Variants in VIPR2 observed in about 807,000 individuals in gnomAD.
VIPR2 encodes the protein vasoactive intestinal polypeptide receptor 2.
Under a neutral mutation model 58.0 loss-of-function variants are expected in VIPR2, and 48 were observed. That is an observed-to-expected ratio of 0.83 (90% CI 0.66 to 1.05). The LOEUF (loss-of-function observed/expected upper bound fraction) is 1.05, where lower values mean the gene tolerates loss of function less well. Among genes scored for constraint, VIPR2 ranks in the 50% least tolerant of loss-of-function variants. The pLI is 0.00. For missense variants in VIPR2, 534 were observed against 558.0 expected, an observed-to-expected ratio of 0.96 and a Z score of 0.43; for synonymous variants, 243 against 235.2, an observed-to-expected ratio of 1.03 and a Z score of -0.30.
Position 159,096,573 on chromosome 7 carries a change from G to A in VIPR2, c.357+7184C>T, listed in dbSNP as rs909644550. On this transcript the variant is annotated intron_variant, in intron 4 of 12. Transcript: ENST00000262178. This position sits in a 1 kb window ranked among gnomAD's most constrained non-coding sequence, Gnocchi z 5.5. Reference sequence around the variant, plus strand: ...CCAATCGCCATCCCCAGGCACCAGCGTATCTGTGCATTTCCTTCTTAACCT... The same window carrying A: ...CCAATCGCCATCCCCAGGCACCAGCATATCTGTGCATTTCCTTCTTAACCT... Among the ~76,000 whole-genome samples the A allele has an allele frequency of 6.6e-6, 1 of 152,174 alleles. No individual in the cohort carries two copies.
chr7:159,030,942 G>A (rs1331321537), intron 12 of VIPR2, among the ~76,000 whole-genome samples, 153 bp from the exon 13 acceptor site: 1 of 152,234 alleles, frequency 6.6e-6, no homozygotes, highest in African/African-American at 2.4e-5. Context: ...CGGCCTTGGG[G>A]GCAGAGGCTG....
At chr7:159,105,857 A>G (rs1178317353) in intron 3 of VIPR2, among the ~76,000 whole-genome samples, 1 of 152,248 alleles carries the variant, frequency 6.6e-6, no homozygotes, top group Non-Finnish European at 1.5e-5. Flanking sequence ...AACAGCACTC[A>G]TAATAGTTAT....
rs1853502868 is a variant in VIPR2 at position 159,030,739 on chromosome 7, G to T, written c.1194C>A (p.Ser398=). The stretch of plus-strand genomic sequence containing the variant: ...CGCAGACCCTGTAATCCCGGCTCGC[G>T]GACGGGGTCGGGCACCGGCTTCGCC... ...RKWRSRCPTP[S]ASRDYRVCGS... Residue 398 remains serine, a synonymous_variant, in exon 13 of 13, where the codon TCC becomes TCA. Transcript: ENST00000262178. 7 of 1,588,154 alleles carry T rather than the reference G, an allele frequency of 4.4e-6. No homozygotes were observed. The East Asian group carries it at 1.4e-4, about 32-fold the overall frequency.
At chr7:159,081,287 A>G (rs1563305837) in intron 4 of VIPR2, among the ~76,000 whole-genome samples, 2 of 152,246 alleles carry the variant, frequency 1.3e-5, no homozygotes, top group African/African-American at 2.4e-5. Context: ...CCAATGGAAC[A>G]TAACAGAGCC....
chr7:159,036,968 A>C, intron 6 of VIPR2, 66 bp from the exon 7 acceptor site: 1 of 1,557,018 alleles, frequency 6.4e-7, no homozygotes, highest in Non-Finnish European at 8.7e-7. Context: ...ACCAGCAGGC[A>C]GTGCCGCTCC....
At chr7:159,044,053 C>A (rs910601214) in intron 5 of VIPR2, among the ~76,000 whole-genome samples, 2 of 152,212 alleles carry the variant, frequency 1.3e-5, no homozygotes, top group African/African-American at 2.4e-5. Context: ...GGGCTTAGCA[C>A]AAGCAGGCAG....
chr7:159,071,893 C>T (rs539081843), intron 4 of VIPR2, among the ~76,000 whole-genome samples: 2 of 148,320 alleles, frequency 1.3e-5, no homozygotes, highest in South Asian at 2.2e-4. Context: ...GATGAAGGCA[C>T]GATGGTACTG....
chr7:159,057,217 C>T (rs182073172), intron 5 of VIPR2, among the ~76,000 whole-genome samples: 141 of 152,244 alleles, frequency 9.3e-4, no homozygotes, highest in African/African-American at 3.3e-3. Flanking sequence ...TCTTTAGCAA[C>T]TTAAAAATTT....
intron 4 of VIPR2, among the ~76,000 whole-genome samples, chr7:159,094,788 A>G (rs1857733561): frequency 6.6e-6 from 1 of 152,148 alleles, no homozygotes; most frequent in Non-Finnish European, 1.5e-5. Context: ...AGTTAGAGGG[A>G]GAACTTATTT....
In VIPR2 at chr7:159,103,771, C is replaced by G. The variant is rs778025216; in HGVS notation, c.343G>C (p.Glu115Gln). The change falls in exon 4 of 13, where the codon GAG becomes CAG. Residue 115 changes from glutamate to glutamine, a missense_variant. Physicochemically the swap from Glu to Gln is conservative, Grantham distance 29. Transcript: ENST00000262178. ...CAGGAGCCTACCTTGCTCTCATCCT[C>G]CGGGTCGCTGTAGCCACAGGCATCG... The part of the protein sequence containing the change: ...FVDACGYSDP[E>Q]DESKITFYIL... 6.2e-7 allele frequency: 1 copy of G among 1,614,018 alleles called. No individual in the cohort carries two copies. The highest frequency in any genetic ancestry group is 8.5e-7 in the Non-Finnish European group (1 of 1,180,004).
chr7:159,046,150 G>A (rs751090881), intron 5 of VIPR2, among the ~76,000 whole-genome samples: 4 of 152,192 alleles, frequency 2.6e-5, no homozygotes, highest in Non-Finnish European at 5.9e-5. Flanking sequence ...TACAGTCATT[G>A]TGGAAAGCAG....
Position 159,034,644 on chromosome 7 carries a change from CCAGCAACTGTCAGAGAGAGATGGGAAAT to C in VIPR2, c.810-22_815del. 1 of 1,613,658 alleles carries C rather than the reference CCAGCAACTGTCAGAGAGAGATGGGAAAT, an allele frequency of 6.2e-7. No homozygotes were observed. Among genetic ancestry groups the C allele is most frequent in the Non-Finnish European group, 8.5e-7 (1 of 1,179,742 alleles). ...AGGGCACACTGTGGTCGTTTGTATC[CCAGCAACTGTCAGAGAGAGATGGGAAAT>C]CAGGTTACCACCAACCACTTTCGCA... is the stretch of plus-strand genomic sequence containing the variant. On this transcript the variant is annotated splice_acceptor_variant and splice_polypyrimidine_tract_variant and coding_sequence_variant and intron_variant, in exon 9 of 13. Transcript: ENST00000262178. LOFTEE classifies it high-confidence loss of function.
At chr7:159,122,615 A>G (rs55807738) in intron 2 of VIPR2, among the ~76,000 whole-genome samples, 44,553 of 152,148 alleles carry the variant, frequency 0.29, 7,207 homozygotes, top group African/African-American at 0.44. Flanking sequence ...CACAGGTCAC[A>G]TACAGGTGCA....
chr7:159,030,617 T>C lies in VIPR2; in HGVS notation c.1316A>G (p.Ter439TrpextTer41). Residue 439 changes from the stop codon to tryptophan (W), a stop_lost, in exon 13 of 13, where the codon TAG becomes TGG. Transcript: ENST00000262178. ...CGCGTCCGACAGGCAGGGGTGGGGC[T>C]AGATGACCGAGGTCTCCGTTTGCAG... is the stretch of plus-strand genomic sequence containing the variant. ...SFLQTETSVI[*>W] 1 of 1,541,380 alleles carries C rather than the reference T, an allele frequency of 6.5e-7. No individual in the cohort carries two copies. The highest frequency in any genetic ancestry group is 8.8e-7 in the Non-Finnish European group (1 of 1,142,818).
intron 6 of VIPR2, among the ~76,000 whole-genome samples, chr7:159,038,225 C>T (rs1028039462): frequency 2.6e-5 from 4 of 152,132 alleles, no homozygotes; most frequent in Admixed American, 2.6e-4. Flanking sequence ...CCCCTGAGCC[C>T]TGCAGGCGGC....
intron 4 of VIPR2, among the ~76,000 whole-genome samples, chr7:159,081,203 C>T (rs1186560065): frequency 6.6e-6 from 1 of 152,170 alleles, no homozygotes; most frequent in African/African-American, 2.4e-5. Context: ...CATCACACTA[C>T]CTGACTTCAA....
intron 2 of VIPR2, among the ~76,000 whole-genome samples, chr7:159,134,857 C>T (rs1797134724): frequency 6.6e-6 from 1 of 151,856 alleles, no homozygotes; most frequent in African/African-American, 2.4e-5. Flanking sequence ...CGGGGTCTCA[C>T]CGTGTTAGCC....
intron 5 of VIPR2, among the ~76,000 whole-genome samples, chr7:159,046,558 G>C (rs1465735081): frequency 1.4e-5 from 1 of 71,374 alleles, no homozygotes; most frequent in Non-Finnish European, 3.6e-5. Context: ...CTCATGTATA[G>C]AAGGCTTCCT....
At chr7:159,058,660 G>A (rs1855463350) in intron 4 of VIPR2, 82 bp from the exon 5 acceptor site, 4 of 1,076,968 alleles carry the variant, frequency 3.7e-6, no homozygotes, top group Non-Finnish European at 5.7e-6. Flanking sequence ...ATCCAGCCCT[G>A]TGCTCTGGCC....
Sources: gnomAD v4.1 joint callset for allele counts (sites outside exome capture counted in the v4.1 genomes callset) on GRCh38, gnomAD v4.1.1 for gene constraint, Gnocchi (gnomAD v3.1) non-coding constraint, MANE v1.5 for transcripts, NCBI Gene and HGNC (gene_info 2026-07-23, HGNC 2026-07-21) for gene names.